Variants in ACVR1C observed in about 807,000 individuals in gnomAD.
ACVR1C encodes activin A receptor type 1C.
ACVR1C carries 23 observed loss-of-function variants against 57.9 expected under a neutral mutation model. The observed-to-expected ratio is 0.40, with a 90% CI of 0.29 to 0.56. The LOEUF is 0.56. ACVR1C is among the 20% of genes least tolerant of loss of function. The pLI is 0.50. For synonymous variants in ACVR1C, 214 were observed against 215.3 expected (o/e 0.99, Z 0.05); for missense variants, 480 against 607.9 (o/e 0.79, Z 2.21).
chr2:157,580,092 C>G (rs1392118586), intron 2 of ACVR1C, among the ~76,000 whole-genome samples: 1 of 151,914 alleles, frequency 6.6e-6, no homozygotes, highest in Non-Finnish European at 1.5e-5. Context: ...CAAACACACA[C>G]GCGCGCACGC....
At position 157,556,982 on chromosome 2, in the gene ACVR1C, G is replaced by A. The variant is rs899678684; in HGVS notation, c.305-650C>T. 3.3e-5 allele frequency among the ~76,000 whole-genome samples: 5 copies of A among 152,218 alleles called. No homozygotes were observed. The East Asian group carries it at 7.7e-4, about 24-fold the overall frequency. On this transcript the variant is annotated intron_variant, in intron 2 of 8. Transcript: ENST00000243349. ...CTGGCCACAGCAGTCCTCTTTTAAAGCATGTACATTCATTCTTTCATGCCA... is the reference window on the plus strand; with the variant it reads ...CTGGCCACAGCAGTCCTCTTTTAAAACATGTACATTCATTCTTTCATGCCA...
rs766728517 is a variant in ACVR1C, at chr2:157,628,665, G to T, written c.-21C>A. The T allele has an allele frequency of 1.3e-6, 2 of 1,546,290 alleles. No individual in the cohort carries two copies. Among genetic ancestry groups the T allele is most frequent in the African/African-American group, 2.8e-5 (2 of 72,634 alleles). Reference sequence around the variant, plus strand: ...GTCATCGCCACCAGGCGGCCGCGCCGGGGCTGCGAGGCCCCAGAGCAGAGC... The same window carrying T: ...GTCATCGCCACCAGGCGGCCGCGCCTGGGCTGCGAGGCCCCAGAGCAGAGC... On this transcript the variant is annotated 5_prime_UTR_variant, in exon 1 of 9. Coordinates refer to ENST00000243349, the MANE Select transcript of ACVR1C (RefSeq NM_145259.3).
intron 1 of ACVR1C, among the ~76,000 whole-genome samples, chr2:157,615,347 C>G (rs946686442): frequency 6.6e-5 from 10 of 151,308 alleles, no homozygotes; most frequent in Non-Finnish European, 1.3e-4. Context: ...AAAAAGTAGC[C>G]AGGTGTGGTG....
At chr2:157,598,161 G>C (rs1184083822) in intron 1 of ACVR1C, among the ~76,000 whole-genome samples, 1 of 149,690 alleles carries the variant, frequency 6.7e-6, no homozygotes, top group African/African-American at 2.5e-5. Context: ...ACCCAACCAA[G>C]GGTTACACCA....
At position 157,534,034 on chromosome 2, in the gene ACVR1C, C is replaced by A; in HGVS notation, c.1366G>T (p.Val456Phe). Residue 456 changes from valine (V) to phenylalanine (F), a missense_variant, in exon 9 of 9, where the codon GTC becomes TTC. Coordinates refer to ENST00000243349, the MANE Select transcript of ACVR1C (RefSeq NM_145259.3). ...CACTCACGCATTATTCTCCCCATGACTCGGAGTGCCTTTAAGAGAGAAAAA... is the reference window on the plus strand; with the variant it reads ...CACTCACGCATTATTCTCCCCATGAATCGGAGTGCCTTTAAGAGAGAAAAA... ...NQWQSCEALRVMGRIMRECWY... is the reference protein window; with the variant it reads ...NQWQSCEALRFMGRIMRECWY... 1.3e-6 allele frequency: 2 copies of A among 1,565,592 alleles called. No homozygotes were observed. Among genetic ancestry groups the A allele is most frequent in the Non-Finnish European group, 1.7e-6 (2 of 1,161,246 alleles).
At chr2:157,616,243 T>G (rs957194822) in intron 1 of ACVR1C, among the ~76,000 whole-genome samples, 2 of 152,178 alleles carry the variant, frequency 1.3e-5, no homozygotes, top group Non-Finnish European at 2.9e-5. Context: ...CTTCCCTCTT[T>G]AGTGTAATGG....
At chr2:157,578,436 A>AC (rs1688714185) in intron 2 of ACVR1C, among the ~76,000 whole-genome samples, 1 of 152,090 alleles carries the variant, frequency 6.6e-6, no homozygotes, top group Admixed American at 6.6e-5. Context: ...TCATTATTAC[A>AC]CTGAATGGTT....
At chr2:157,602,320 GT>G (rs1396859941) in intron 1 of ACVR1C, among the ~76,000 whole-genome samples, 2 of 152,224 alleles carry the variant, frequency 1.3e-5, no homozygotes, top group Admixed American at 6.5e-5. Flanking sequence ...AAAAATTTAA[GT>G]CTCACTAATA....
chr2:157,544,664 C>G, intron 4 of ACVR1C, 52 bp from the exon 5 acceptor site: 1 of 1,474,370 alleles, frequency 6.8e-7, no homozygotes, highest in Non-Finnish European at 9.3e-7. Context: ...AGAAAGAAGC[C>G]AAAAGCTTTT....
Position 157,533,971 on chromosome 2 carries a change from G to A in ACVR1C, c.1429C>T (p.Arg477Cys), listed in dbSNP as rs1376322387. 1 of 1,594,988 alleles carries A rather than the reference G, an allele frequency of 6.3e-7. No homozygotes were observed. The highest frequency in any genetic ancestry group is 1.1e-5 in the South Asian group (1 of 87,776). Reference sequence around the variant, plus strand: ...AGTTGAGATATAGTCTTCTTAATACGAAGAGCAGTTAGGCGGGCCGCTCCG... The same window carrying A: ...AGTTGAGATATAGTCTTCTTAATACAAAGAGCAGTTAGGCGGGCCGCTCCG... ...ANGAARLTAL[R>C]IKKTISQLCV... The change falls in exon 9 of 9, where the codon CGT (arginine) becomes TGT (cysteine). Residue 477 changes from arginine to cysteine, a missense_variant. By Grantham distance (180) the Arg-to-Cys change is radical. Transcript: ENST00000243349.
At chr2:157,598,533 C>G (rs1002765884) in intron 1 of ACVR1C, among the ~76,000 whole-genome samples, 1 of 149,652 alleles carries the variant, frequency 6.7e-6, no homozygotes, top group Non-Finnish European at 1.5e-5. Flanking sequence ...CATTTATTTT[C>G]TTTTAATAGT....
At position 157,530,606 on chromosome 2, in the gene ACVR1C, A is replaced by T. The variant is rs1687331151; in HGVS notation, c.*3312T>A. Reference sequence around the variant, plus strand: ...GATTTTCATTTTTAAATAAAAGCTAATTTTAATTTTTTCAGATACTGCAAC... The same window carrying T: ...GATTTTCATTTTTAAATAAAAGCTATTTTTAATTTTTTCAGATACTGCAAC... On this transcript the variant is annotated 3_prime_UTR_variant, in exon 9 of 9. Transcript: ENST00000243349. 1 of 152,126 alleles carries T rather than the reference A, an allele frequency of 6.6e-6. No homozygotes were observed. Among genetic ancestry groups the T allele is most frequent in the Non-Finnish European group, 1.5e-5 (1 of 67,994 alleles). The allele number at this position is 152,126 out of a possible 1,614,324, so 9.4% of individuals were successfully genotyped here.
chr2:157,565,262 G>A (rs1007995142), intron 2 of ACVR1C, among the ~76,000 whole-genome samples: 7 of 152,046 alleles, frequency 4.6e-5, no homozygotes, highest in Admixed American at 1.3e-4. Flanking sequence ...AAGTAGAATG[G>A]GCTAAGGAGC....
chr2:157,580,033 C>T (rs1231303905), intron 2 of ACVR1C, among the ~76,000 whole-genome samples: 1 of 151,616 alleles, frequency 6.6e-6, no homozygotes, highest in Non-Finnish European at 1.5e-5. Context: ...CTCTCACGCA[C>T]CCCCTCTCTT....
intron 2 of ACVR1C, among the ~76,000 whole-genome samples, chr2:157,584,133 A>G (rs1049678973): frequency 6.6e-6 from 1 of 152,012 alleles, no homozygotes; most frequent in African/African-American, 2.4e-5. Context: ...ACTTGTATTC[A>G]GAATATATAA....
At chr2:157,561,661 T>TA (rs905361018) in intron 2 of ACVR1C, among the ~76,000 whole-genome samples, 2 of 152,196 alleles carry the variant, frequency 1.3e-5, no homozygotes, top group African/African-American at 4.8e-5. Flanking sequence ...TTGCTTTTTG[T>TA]AAAAAACAGA....
chr2:157,607,370 G>C (rs1682425868), intron 1 of ACVR1C, among the ~76,000 whole-genome samples: 3 of 150,390 alleles, frequency 2.0e-5, no homozygotes, highest in Middle Eastern at 3.4e-3. Context: ...GGTCACTATA[G>C]CCTTCCAATA....
chr2:157,597,368 G>T (rs1369303125), intron 1 of ACVR1C: 1 of 985,538 alleles, frequency 1.0e-6, no homozygotes, highest in Non-Finnish European at 1.2e-6. Flanking sequence ...GCCTGGACTT[G>T]CAGGTTGGAG....
intron 1 of ACVR1C, among the ~76,000 whole-genome samples, chr2:157,613,839 C>T (rs899427778): frequency 2.6e-5 from 4 of 152,084 alleles, no homozygotes. Context: ...GATGTCTTTA[C>T]CTAGTTTAGG....
Sources: gnomAD v4.1 joint callset for allele counts (sites outside exome capture counted in the v4.1 genomes callset) on GRCh38, gnomAD v4.1.1 for gene constraint, MANE v1.5 for transcripts, NCBI Gene and HGNC (gene_info 2026-07-23, HGNC 2026-07-21) for gene names.